Variants in ARHGAP10 observed in about 807,000 individuals in gnomAD.
ARHGAP10 encodes the protein rho GTPase-activating protein 10.
ARHGAP10 carries 87 observed loss-of-function variants against 108.6 expected under a neutral mutation model. The observed-to-expected ratio is 0.80, with a 90% CI of 0.67 to 0.96. ARHGAP10 has a LOEUF of 0.96. ARHGAP10 is among the 40% of genes least tolerant of loss of function. ARHGAP10 has a pLI of 0.00. For missense variants in ARHGAP10, 939 were observed against 954.5 expected, an observed-to-expected ratio of 0.98 and a Z score of 0.21; for synonymous variants, 347 against 341.1, an observed-to-expected ratio of 1.02 and a Z score of -0.19.
chr4:147,968,234 T>C (rs1468036997), intron 18 of ARHGAP10, among the ~76,000 whole-genome samples: 4 of 152,190 alleles, frequency 2.6e-5, no homozygotes, highest in East Asian at 1.9e-4. Context: ...TAGGACCACC[T>C]TGAGGGCCTG....
chr4:147,757,190 CTTTTTTTTTTT>C (rs763282506), intron 1 of ARHGAP10, among the ~76,000 whole-genome samples: 2 of 115,624 alleles, frequency 1.7e-5, no homozygotes, highest in African/African-American at 3.3e-5. Flanking sequence ...ACAGTCTAGC[CTTTTTTTTTTT>C]TTTTTTTTTT....
At chr4:147,859,771 C>T (rs533318663) in intron 5 of ARHGAP10, among the ~76,000 whole-genome samples, 1 of 152,164 alleles carries the variant, frequency 6.6e-6, no homozygotes, top group African/African-American at 2.4e-5. Context: ...GATGCTTGTA[C>T]AGTGAGCTGG....
chr4:147,879,886 C>T (rs1469693145), intron 9 of ARHGAP10, among the ~76,000 whole-genome samples: 3 of 152,214 alleles, frequency 2.0e-5, no homozygotes, highest in African/African-American at 7.2e-5. Flanking sequence ...GCTTTCATGA[C>T]TCAGTGGTTC....
chr4:147,985,549 G>C (rs1210209744), intron 18 of ARHGAP10, among the ~76,000 whole-genome samples: 1 of 152,214 alleles, frequency 6.6e-6, no homozygotes, highest in African/African-American at 2.4e-5. Flanking sequence ...AGTACCTACT[G>C]TTGGGTTACT....
intron 10 of ARHGAP10, among the ~76,000 whole-genome samples, chr4:147,883,328 A>G (rs974683267): frequency 6.6e-6 from 1 of 152,104 alleles, no homozygotes; most frequent in Non-Finnish European, 1.5e-5. Flanking sequence ...TCCCAAAGTC[A>G]TAGGACTACA....
chr4:147,736,625 A>G (rs1461527186), intron 1 of ARHGAP10, among the ~76,000 whole-genome samples: 1 of 152,178 alleles, frequency 6.6e-6, no homozygotes, highest in Non-Finnish European at 1.5e-5. Context: ...GACAATCCAG[A>G]TTTCATTCAA....
chr4:147,856,573 A>G (rs1382501910), intron 4 of ARHGAP10, among the ~76,000 whole-genome samples: 3 of 152,226 alleles, frequency 2.0e-5, no homozygotes, highest in Non-Finnish European at 4.4e-5. Flanking sequence ...TATTAAAAAT[A>G]TTGTATAAAA....
intron 15 of ARHGAP10, among the ~76,000 whole-genome samples, chr4:147,950,163 C>A (rs2126976733): frequency 6.6e-6 from 1 of 152,288 alleles, no homozygotes; most frequent in East Asian, 1.9e-4. Context: ...CATAAGATGG[C>A]AGATGCCTTG....
At chr4:147,798,771 CTCTCTCTCTCTATATATATATATA>C (rs1388848137) in intron 1 of ARHGAP10, among the ~76,000 whole-genome samples, 9 of 5,012 alleles carry the variant, frequency 1.8e-3, no homozygotes, top group African/African-American at 2.2e-3. Flanking sequence ...CTCTCTCTCT[CTCTCTCTCTCTATATATATATATA>C]TATATATATA....
rs76366413 is a variant in ARHGAP10 at position 147,803,641 on chromosome 4, G to A, written c.155-19086G>A. Among the ~76,000 whole-genome samples the A allele has an allele frequency of 8.8e-3, 1,342 of 152,182 alleles. 18 individuals are homozygous for A. The highest frequency in any genetic ancestry group is 0.031 in the African/African-American group (1,277 of 41,506). On this transcript the variant is annotated intron_variant, in intron 1 of 22. Coordinates refer to ENST00000336498, the MANE Select transcript of ARHGAP10 (RefSeq NM_024605.4). Reference sequence around the variant, plus strand: ...CCATTCTTCTCTCTACCTCCATGAGGTCAACTTTATTGGCCCACACATTTG... The same window carrying A: ...CCATTCTTCTCTCTACCTCCATGAGATCAACTTTATTGGCCCACACATTTG...
chr4:147,969,211 T>C (rs1353674753), intron 18 of ARHGAP10, among the ~76,000 whole-genome samples: 2 of 152,204 alleles, frequency 1.3e-5, no homozygotes, highest in Non-Finnish European at 2.9e-5. Flanking sequence ...AGTTCTAGCT[T>C]GTTGCTAATG....
intron 1 of ARHGAP10, among the ~76,000 whole-genome samples, chr4:147,768,196 A>G (rs1729909620): frequency 6.6e-6 from 1 of 152,194 alleles, no homozygotes; most frequent in Admixed American, 6.5e-5. Context: ...CAGTGCAATT[A>G]TACTGTGAGT....
At chr4:147,971,846 T>C (rs1739421535) in intron 18 of ARHGAP10, among the ~76,000 whole-genome samples, 2 of 152,112 alleles carry the variant, frequency 1.3e-5, no homozygotes, top group African/African-American at 4.8e-5. Flanking sequence ...AGTAGAGGAA[T>C]GAAAGGCTAG....
At chr4:147,905,135 CTT>C (rs900564835) in intron 10 of ARHGAP10, among the ~76,000 whole-genome samples, 3 of 152,120 alleles carry the variant, frequency 2.0e-5, no homozygotes, top group Middle Eastern at 3.2e-3. Context: ...GATATTAGCT[CTT>C]TGTCAGATGA....
At chr4:148,017,255 C>T (rs1332875807) in intron 18 of ARHGAP10, among the ~76,000 whole-genome samples, 2 of 151,986 alleles carry the variant, frequency 1.3e-5, no homozygotes, top group East Asian at 3.9e-4. Context: ...AGATGCCTTC[C>T]GAAATGGAGG....
chr4:148,046,773 T>C, intron 19 of ARHGAP10, 119 bp from the exon 20 acceptor site: 1 of 1,041,950 alleles, frequency 9.6e-7, no homozygotes, highest in Non-Finnish European at 1.4e-6. Context: ...ACTGTCAGGC[T>C]GAACTGTAAA....
chr4:147,921,972 T>C (rs1404642138), intron 13 of ARHGAP10, among the ~76,000 whole-genome samples: 1 of 152,192 alleles, frequency 6.6e-6, no homozygotes, highest in East Asian at 1.9e-4. Context: ...TCATCTGCTC[T>C]GCCCACATCT....
chr4:147,899,427 T>C (rs72957793), intron 10 of ARHGAP10, among the ~76,000 whole-genome samples: 4,055 of 152,202 alleles, frequency 0.027, 183 homozygotes, highest in African/African-American at 0.093. Context: ...AGGTCTTTTT[T>C]ACATCTTTGC....
intron 10 of ARHGAP10, among the ~76,000 whole-genome samples, chr4:147,893,161 C>T (rs1375162559): frequency 2.0e-5 from 3 of 151,876 alleles, no homozygotes; most frequent in South Asian, 2.1e-4. Flanking sequence ...TGGGTTCTAG[C>T]GATTCTCCTG....
Sources: allele counts gnomAD v4.1 joint callset (sites outside exome capture counted in the v4.1 genomes callset), GRCh38; gene constraint gnomAD v4.1.1; transcripts MANE v1.5; gene names NCBI Gene and HGNC (gene_info 2026-07-23, HGNC 2026-07-21).